VPS13D: variants seen among roughly 807,000 people sequenced by gnomAD.
The protein encoded by VPS13D is intermembrane lipid transfer protein VPS13D.
VPS13D carries 187 observed loss-of-function variants against 461.9 expected under a neutral mutation model. The ratio of observed to expected loss-of-function variants is 0.40; its 90% confidence interval spans 0.36 to 0.46. VPS13D has a LOEUF of 0.46. Among genes scored for constraint, VPS13D ranks in the 20% least tolerant of loss-of-function variants. The pLI is 0.60. For missense variants in VPS13D, 4,711 were observed against 5,364.9 expected, an observed-to-expected ratio of 0.88 and a Z score of 3.81; for synonymous variants, 1,951 against 1,986.3, an observed-to-expected ratio of 0.98 and a Z score of 0.47.
intron 64 of VPS13D, among the ~76,000 whole-genome samples, chr1:12,415,889 A>C (rs1644787489): frequency 7.1e-6 from 1 of 141,788 alleles, no homozygotes; most frequent in Non-Finnish European, 1.5e-5. Flanking sequence ...GTACAGAAAG[A>C]GTGGAGGGGC....
intron 67 of VPS13D, among the ~76,000 whole-genome samples, chr1:12,468,236 T>C (rs560232007): frequency 6.6e-6 from 1 of 152,382 alleles, no homozygotes; most frequent in Non-Finnish European, 1.5e-5. Flanking sequence ...TATTTCTTTT[T>C]GAGAAAAAAT....
chr1:12,285,313 C>T (rs569921628), intron 21 of VPS13D, among the ~76,000 whole-genome samples: 52 of 139,840 alleles, frequency 3.7e-4, no homozygotes, highest in Non-Finnish European at 6.7e-4. Flanking sequence ...TTTTTTGAGA[C>T]GGAGTCTCGC....
chr1:12,250,858 T>C (rs1189087103), intron 6 of VPS13D, among the ~76,000 whole-genome samples: 1 of 152,256 alleles, frequency 6.6e-6, no homozygotes. Flanking sequence ...CCAGCCATGC[T>C]CATTAGTGTT....
Position 12,358,480 on chromosome 1 carries a change from G to A in VPS13D, c.10020G>A (p.Arg3340=), listed in dbSNP as rs1643906885. The A allele has an allele frequency of 6.2e-7, 1 of 1,614,154 alleles. No individual in the cohort carries two copies. The highest frequency in any genetic ancestry group is 2.2e-5 in the East Asian group (1 of 44,876). The change falls in exon 50 of 70, where the codon AGG becomes AGA. Residue 3340 remains arginine (R), a synonymous_variant. Transcript: ENST00000620676. The part of the protein sequence containing the change: ...QPNLCTMRIG[R]GIHPEGMPGW... ...ACAGCTGCACGATGAGAATCGGAAG[G>A]GGGATTCATCCAGAAGGCATGCCGG...
chr1:12,374,391 T>G (rs185223443), intron 55 of VPS13D, among the ~76,000 whole-genome samples: 1 of 151,944 alleles, frequency 6.6e-6, no homozygotes, highest in African/African-American at 2.4e-5. Context: ...TTTGTTTTTG[T>G]TTTTTTTACT....
chr1:12,313,733 A>G (rs1642818375), intron 29 of VPS13D, among the ~76,000 whole-genome samples: 1 of 152,178 alleles, frequency 6.6e-6, no homozygotes, highest in South Asian at 2.1e-4. Context: ...ACATCCAGGC[A>G]AGCTAGAAGC....
chr1:12,479,023 C>T (rs1048909014), intron 67 of VPS13D: 8 of 396,634 alleles, frequency 2.0e-5, no homozygotes, highest in South Asian at 5.5e-5. Flanking sequence ...GGAAGGCCGC[C>T]CCACGGAGTG....
chr1:12,444,281 A>G (rs746961186), intron 65 of VPS13D, among the ~76,000 whole-genome samples: 7 of 152,086 alleles, frequency 4.6e-5, no homozygotes, highest in African/African-American at 7.2e-5. Flanking sequence ...TTGTCCTTCA[A>G]AGGTAATGTG....
chr1:12,354,071 A>T lies in VPS13D; in HGVS notation c.9529A>T (p.Thr3177Ser). The T allele has an allele frequency of 6.2e-7, 1 of 1,614,194 alleles. No homozygotes were observed. Among genetic ancestry groups the T allele is most frequent in the South Asian group, 1.1e-5 (1 of 91,084 alleles). ...ACAGATTTTCAGACAGCCTGGGCAT[A>T]CCATATATCTCCTGCCAACTGTGGT... Reference protein sequence around the residue: ...AKQIFRQPGHTIYLLPTVVIC... With the variant: ...AKQIFRQPGHSIYLLPTVVIC... Residue 3177 changes from threonine (T) to serine (S), a missense_variant, in exon 47 of 70, where the codon ACC becomes TCC. This residue lies in a region of VPS13D where 4,411 missense variants were observed against 4,937.8 expected (regional missense o/e 0.89). Coordinates refer to ENST00000620676, the MANE Select transcript of VPS13D (RefSeq NM_015378.4).
At chr1:12,459,033 T>C (rs1341923108) in intron 66 of VPS13D, among the ~76,000 whole-genome samples, 1 of 152,214 alleles carries the variant, frequency 6.6e-6, no homozygotes, top group Non-Finnish European at 1.5e-5. Context: ...AAGCATGCAG[T>C]AGCTTTTACC....
At chr1:12,390,740 A>G (rs1644413659) in intron 60 of VPS13D, among the ~76,000 whole-genome samples, 2 of 152,190 alleles carry the variant, frequency 1.3e-5, no homozygotes, top group Admixed American at 1.3e-4. Flanking sequence ...CTGCTGGCAA[A>G]TTGGGCATTA....
At chr1:12,463,413 C>A (rs1645438151) in intron 67 of VPS13D, among the ~76,000 whole-genome samples, 1 of 152,176 alleles carries the variant, frequency 6.6e-6, no homozygotes, top group African/African-American at 2.4e-5. Flanking sequence ...TCCCTCAGTC[C>A]ATTTGTCCAG....
At chr1:12,302,745 C>A (rs1642458429) in intron 25 of VPS13D, among the ~76,000 whole-genome samples, 1 of 151,792 alleles carries the variant, frequency 6.6e-6, no homozygotes, top group Admixed American at 6.6e-5. Flanking sequence ...CTTGAGAAAG[C>A]CTGCTTATTA....
chr1:12,400,139 G>T (rs775819494), intron 60 of VPS13D, 42 bp from the exon 61 acceptor site: 1 of 1,601,028 alleles, frequency 6.2e-7, no homozygotes. Flanking sequence ...TGAGCCACTG[G>T]TCTGTTTTTG....
chr1:12,293,241 C>G (rs1409271731), intron 23 of VPS13D, among the ~76,000 whole-genome samples: 1 of 152,178 alleles, frequency 6.6e-6, no homozygotes, highest in Non-Finnish European at 1.5e-5. Context: ...GGAATACTTA[C>G]CTTTCAGGGC....
At position 12,385,356 on chromosome 1, in the gene VPS13D, A is replaced by G. The variant is rs1452441141; in HGVS notation, c.11467A>G (p.Thr3823Ala). 3 of 1,613,406 alleles carry G rather than the reference A, an allele frequency of 1.9e-6. No homozygotes were observed. The highest frequency in any genetic ancestry group is 1.1e-5 in the South Asian group (1 of 90,942). Residue 3823 changes from threonine to alanine, a missense_variant, in exon 59 of 70, where the codon ACA (threonine) becomes GCA (alanine). Around this residue, in one of 3 missense-constraint regions of VPS13D, gnomAD observed 4,411 missense variants for 4,937.8 expected, o/e 0.89. Transcript: ENST00000620676. ...GCTGCAGAAATTAAAGAATCCAGAT[A>G]CAGAGCAGGAATTGGAAGTAAGGTC... ...QELQKLKNPD[T>A]EQELEVLVRL...
chr1:12,451,170 C>T (rs528322048), intron 65 of VPS13D, among the ~76,000 whole-genome samples: 1 of 152,258 alleles, frequency 6.6e-6, no homozygotes, highest in East Asian at 1.9e-4. Context: ...ACTTGAATTT[C>T]AGTTTTAGAA....
In VPS13D at chr1:12,395,047, C is replaced by G. The variant is rs577044780; in HGVS notation, c.11635-5134C>G. ...ACCTCCTCGTGAGTCACACTCTCAA[C>G]CTCACATCTAGGGGCCTGCCGGGAC... On this transcript the variant is annotated intron_variant, in intron 60 of 69. Coordinates refer to ENST00000620676, the MANE Select transcript of VPS13D (RefSeq NM_015378.4). Among the ~76,000 whole-genome samples the G allele has an allele frequency of 2.2e-4, 34 of 152,312 alleles. No homozygotes were observed. The Middle Eastern group carries it at 0.01, about 46-fold the overall frequency.
chr1:12,450,052 G>C (rs1010531533), intron 65 of VPS13D, among the ~76,000 whole-genome samples: 1 of 152,160 alleles, frequency 6.6e-6, no homozygotes, highest in Non-Finnish European at 1.5e-5. Flanking sequence ...GAACCCAGGA[G>C]GTGGAGGTTG....
Sources: gnomAD v4.1 joint callset for allele counts (sites outside exome capture counted in the v4.1 genomes callset) on GRCh38, gnomAD v4.1.1 for gene constraint, gnomAD v4.1.1 regional missense constraint, MANE v1.5 for transcripts, NCBI Gene and HGNC (gene_info 2026-07-23, HGNC 2026-07-21) for gene names.